The following NAV2 variants were observed in gnomAD, a reference collection of about 807,000 sequenced individuals.
NAV2 encodes the protein helicase, APC down-regulated 1.
NAV2 carries 54 observed loss-of-function variants against 223.2 expected under a neutral mutation model. The observed-to-expected ratio is 0.24, with a 90% CI of 0.19 to 0.30. The LOEUF (loss-of-function observed/expected upper bound fraction) is 0.30. Among genes scored for constraint, NAV2 ranks in the 10% least tolerant of loss-of-function variants. The pLI is 1.00. For missense variants in NAV2, 2,806 were observed against 3,147.5 expected (o/e 0.89, Z 2.60); for synonymous variants, 1,279 against 1,239.3 (o/e 1.03, Z -0.67).
rs916569665 is a variant in NAV2 at position 19,512,798 on chromosome 11, G to A, written c.75+161771G>A. Among the ~76,000 whole-genome samples, 104 of 152,156 alleles carry A rather than the reference G, an allele frequency of 6.8e-4. 1 individual carries two copies. Among genetic ancestry groups the A allele is most frequent in the Non-Finnish European group, 2.5e-4 (17 of 68,034 alleles). The stretch of plus-strand genomic sequence containing the variant: ...CTGACATGCCACACAGCCCTTCACA[G>A]GCATGCCACCAGACTATGCAGATCA... On this transcript the variant is annotated intron_variant, in intron 1 of 37. Coordinates refer to the NAV2 transcript ENST00000360655.
chr11:19,425,982 T>C (rs891245071), intron 1 of NAV2, among the ~76,000 whole-genome samples: 2 of 152,186 alleles, frequency 1.3e-5, no homozygotes, highest in African/African-American at 4.8e-5. Context: ...GGGAAGTAGA[T>C]GGTATTTGAG....
intron 6 of NAV2, among the ~76,000 whole-genome samples, chr11:19,927,489 G>C (rs576010688): frequency 7.2e-4 from 109 of 152,344 alleles, no homozygotes; most frequent in African/African-American, 1.9e-3. Flanking sequence ...GGCTGAGGCA[G>C]CAGACTTGCC....
chr11:20,020,357 C>T (rs2054393672), intron 11 of NAV2, among the ~76,000 whole-genome samples: 1 of 152,166 alleles, frequency 6.6e-6, no homozygotes, highest in Admixed American at 6.5e-5. Flanking sequence ...TTCTGGGAGC[C>T]CTTTGGAATT....
At chr11:19,605,150 C>T (rs1384039432) in intron 1 of NAV2, among the ~76,000 whole-genome samples, 1 of 152,208 alleles carries the variant, frequency 6.6e-6, no homozygotes, top group Non-Finnish European at 1.5e-5. Context: ...GTTCTAACTA[C>T]TACATTGGAC....
Position 19,897,885 on chromosome 11 carries a change from T to TA in NAV2, c.931+5291_931+5292insA, listed in dbSNP as rs1565517757. 5.8e-3 allele frequency among the ~76,000 whole-genome samples: 776 copies of TA among 134,546 alleles called. 40 individuals carry two copies. Among genetic ancestry groups the TA allele is most frequent in the African/African-American group, 0.021 (715 of 34,312 alleles). 88.3% of individuals were successfully genotyped at this position (134,546 alleles called of 152,430 possible). A position where few individuals can be genotyped will look rare whatever the true frequency, so the allele number is the denominator to read the frequency against. ...AGCCACAGCTGTGCCTGACCTGTGATTTATATATATATATATATATGTGAG... is the reference window on the plus strand; with the variant it reads ...AGCCACAGCTGTGCCTGACCTGTGATATTATATATATATATATATATGTGAG... On this transcript the variant is annotated intron_variant, in intron 6 of 37. Transcript: ENST00000349880.
At chr11:19,733,422 C>T (rs2051995804) in intron 1 of NAV2, among the ~76,000 whole-genome samples, 1 of 152,218 alleles carries the variant, frequency 6.6e-6, no homozygotes, top group Non-Finnish European at 1.5e-5. Context: ...CCATACCTTA[C>T]TATCACCCAT....
upstream of NAV2, among the ~76,000 whole-genome samples, chr11:19,348,394 C>T (rs1682184429): frequency 6.6e-6 from 1 of 152,126 alleles, no homozygotes. Flanking sequence ...TGAACTCAGC[C>T]TGCTTGGGAA....
chr11:19,794,690 G>T (rs1272329387), intron 1 of NAV2, among the ~76,000 whole-genome samples: 1 of 152,010 alleles, frequency 6.6e-6, no homozygotes, highest in Admixed American at 6.6e-5. Context: ...CTCTTGTGAT[G>T]GGTTTAGGGG....
chr11:19,777,711 T>G (rs948211836), intron 1 of NAV2: 1 of 399,818 alleles, frequency 2.5e-6, no homozygotes, highest in Non-Finnish European at 5.1e-6. Flanking sequence ...GGAAAGTCGA[T>G]GTGTGTATGT....
At position 19,866,327 on chromosome 11, in the gene NAV2, A is replaced by G. The variant is rs545319331; in HGVS notation, c.439-2598A>G. Reference sequence around the variant, plus strand: ...CCTGCTCCCATTGTGACAGCCCCAAACGCTGCCAGACATTGACAAATTGGT... The same window carrying G: ...CCTGCTCCCATTGTGACAGCCCCAAGCGCTGCCAGACATTGACAAATTGGT... On this transcript the variant is annotated intron_variant, in intron 3 of 37. Transcript: ENST00000349880. Among the ~76,000 whole-genome samples the G allele has an allele frequency of 2.0e-5, 3 of 152,268 alleles. No homozygotes were observed. The South Asian group carries it at 6.2e-4, about 32-fold the overall frequency.
chr11:19,613,189 T>G (rs1409964547), intron 1 of NAV2, among the ~76,000 whole-genome samples: 1 of 152,082 alleles, frequency 6.6e-6, no homozygotes, highest in African/African-American at 2.4e-5. Context: ...ACTTGGGAAT[T>G]CTGGGAGATG....
chr11:20,038,527 A>G (rs998685526), intron 12 of NAV2, among the ~76,000 whole-genome samples: 3 of 152,240 alleles, frequency 2.0e-5, no homozygotes, highest in African/African-American at 4.8e-5. Context: ...TTGAATCAGC[A>G]TAATTCACAG....
intron 6 of NAV2, among the ~76,000 whole-genome samples, chr11:19,905,334 C>T (rs1216182376): frequency 6.6e-6 from 1 of 151,328 alleles, no homozygotes; most frequent in Non-Finnish European, 1.5e-5. Flanking sequence ...TGAGAAGTCA[C>T]ATGTGTGGTT....
At chr11:19,515,612 C>T (rs1410771221) in intron 1 of NAV2, among the ~76,000 whole-genome samples, 1 of 152,178 alleles carries the variant, frequency 6.6e-6, no homozygotes, top group African/African-American at 2.4e-5. Context: ...AATTGCTCTT[C>T]AGCAGCATCT....
chr11:20,017,149 C>A (rs2054082578), intron 11 of NAV2, among the ~76,000 whole-genome samples: 1 of 152,236 alleles, frequency 6.6e-6, no homozygotes, highest in Non-Finnish European at 1.5e-5. Context: ...GGCACACTGA[C>A]TACCTTTCAA....
intron 1 of NAV2, among the ~76,000 whole-genome samples, chr11:19,545,211 A>C (rs2134577621): frequency 6.6e-6 from 1 of 152,354 alleles, no homozygotes. Flanking sequence ...GCTGCTACCC[A>C]GACCTAACTG....
At chr11:19,542,177 A>G (rs1218787958) in intron 1 of NAV2, among the ~76,000 whole-genome samples, 4 of 152,160 alleles carry the variant, frequency 2.6e-5, no homozygotes, top group African/African-American at 9.7e-5. Flanking sequence ...CACTGTGCAG[A>G]CCTGACTGCT....
intron 1 of NAV2, among the ~76,000 whole-genome samples, chr11:19,659,303 G>A (rs779962263): frequency 6.6e-6 from 1 of 152,186 alleles, no homozygotes; most frequent in Admixed American, 6.5e-5. Flanking sequence ...ATGGGCAAAT[G>A]CTGAGGCCAG....
At chr11:20,061,501 A>G (rs906666349) in intron 19 of NAV2, among the ~76,000 whole-genome samples, 13 of 151,478 alleles carry the variant, frequency 8.6e-5, no homozygotes, top group Admixed American at 8.6e-4. Context: ...CTTGGGAGGC[A>G]GAGGTTGTGG....
Sources: gnomAD v4.1 joint callset for allele counts (sites outside exome capture counted in the v4.1 genomes callset) on GRCh38, gnomAD v4.1.1 for gene constraint, MANE v1.5 for transcripts, NCBI Gene and HGNC (gene_info 2026-07-23, HGNC 2026-07-21) for gene names.